The following ZNF518A variants were observed in gnomAD, a reference collection of about 807,000 sequenced individuals.
ZNF518A encodes the protein zinc finger protein 518.
A neutral mutation model predicts 102.7 loss-of-function variants in ZNF518A; 47 were observed. That is an observed-to-expected ratio of 0.46 (90% CI 0.36 to 0.58). ZNF518A has a LOEUF of 0.58. Among genes scored for constraint, ZNF518A ranks in the 20% least tolerant of loss-of-function variants. The pLI, the probability that ZNF518A is intolerant of heterozygous loss-of-function variation, is 0.00. For synonymous variants in ZNF518A, 652 were observed against 594.6 expected, an observed-to-expected ratio of 1.10 and a Z score of -1.40; for missense variants, 1,793 against 1,699.8, an observed-to-expected ratio of 1.05 and a Z score of -0.96.
downstream of ZNF518A, among the ~76,000 whole-genome samples, chr10:96,166,643 C>G (rs184040461): frequency 1.3e-5 from 2 of 152,294 alleles, no homozygotes; most frequent in Admixed American, 1.3e-4. Context: ...CAGCGTGCAC[C>G]TGTAGTCCCA....
Position 96,158,420 on chromosome 10 carries a change from A to T in ZNF518A, c.2098A>T (p.Ile700Phe). ...AAAACCAGATAGCCTATTAGCATCT[A>T]TTAGCCTTTTAAATGATAAAGATGG... Reference protein sequence around the residue: ...SSKPDSLLASISLLNDKDGTL... With the variant: ...SSKPDSLLASFSLLNDKDGTL... The change falls in exon 6 of 6, where the codon ATT becomes TTT. Residue 700 changes from isoleucine to phenylalanine, a missense_variant. Coordinates refer to ENST00000316045, the MANE Select transcript of ZNF518A (RefSeq NM_001330736.2). The T allele has an allele frequency of 1.2e-6, 2 of 1,613,458 alleles. No individual in the cohort carries two copies.
rs937316186 is a variant in ZNF518A, at chr10:96,156,212, A to G, written c.-111A>G. 10 of 1,011,776 alleles carry G rather than the reference A, an allele frequency of 9.9e-6. No homozygotes were observed. The highest frequency in any genetic ancestry group is 5.0e-5 in the African/African-American group (3 of 60,302). The allele number at this position is 1,011,776 out of a possible 1,614,324, so 62.7% of individuals were successfully genotyped here. A position where few individuals can be genotyped will look rare whatever the true frequency, so the allele number is the denominator to read the frequency against. On this transcript the variant is annotated 5_prime_UTR_variant, in exon 6 of 6. Transcript: ENST00000316045. Reference sequence around the variant, plus strand: ...TTAATTTTAGGTGAGTTATTGTGGGAAAAATCCTGTATATTGAAGATGTCT... The same window carrying G: ...TTAATTTTAGGTGAGTTATTGTGGGGAAAATCCTGTATATTGAAGATGTCT...
intron 3 of ZNF518A, among the ~76,000 whole-genome samples, chr10:96,152,034 G>A (rs1554880511): frequency 6.6e-6 from 1 of 152,204 alleles, no homozygotes; most frequent in Non-Finnish European, 1.5e-5. Flanking sequence ...AATCTGGGCT[G>A]GACGTTGTGG....
In ZNF518A at chr10:96,170,148, A is replaced by G. The variant is rs188282673; in HGVS notation, n.35+14101A>G. Among the ~76,000 whole-genome samples, 354 of 152,290 alleles carry G rather than the reference A, an allele frequency of 2.3e-3. 3 individuals are homozygous for G. The highest frequency in any genetic ancestry group is 8.1e-3 in the African/African-American group (336 of 41,558). On this transcript the variant is annotated intron_variant and non_coding_transcript_variant, in intron 1 of 2. Coordinates refer to the ZNF518A transcript ENST00000442635. ...CCTGGGCATGAGTGTGACCTTCTAG[A>G]TTCTCAGGAGTATGTTAAAGCTTTA...
At chr10:96,166,075 G>T (rs1345252652), downstream of ZNF518A, among the ~76,000 whole-genome samples, 1 of 152,176 alleles carries the variant, frequency 6.6e-6, no homozygotes, top group Non-Finnish European at 1.5e-5. Flanking sequence ...ATGTCCAAGG[G>T]CATGAAAATA....
At chr10:96,197,913 CAAA>C (rs587730449) in intron 1 of ZNF518A, among the ~76,000 whole-genome samples, 1 of 128,312 alleles carries the variant, frequency 7.8e-6, no homozygotes. Context: ...GAGACAACAT[CAAA>C]AAAAAAAAGA....
At chr10:96,135,872 G>A (rs1316199183) in intron 3 of ZNF518A, among the ~76,000 whole-genome samples, 2 of 152,202 alleles carry the variant, frequency 1.3e-5, no homozygotes, top group East Asian at 1.9e-4. Context: ...TGATGGGAAG[G>A]AAGTGAGCAG....
At chr10:96,165,186 C>G (rs1554889900), downstream of ZNF518A, among the ~76,000 whole-genome samples, 1 of 152,198 alleles carries the variant, frequency 6.6e-6, no homozygotes. Context: ...TGCAGTGGCA[C>G]AGTCTTGGCT....
chr10:96,196,078 TG>T, intron 1 of ZNF518A, among the ~76,000 whole-genome samples: 1 of 152,350 alleles, frequency 6.6e-6, no homozygotes, highest in East Asian at 1.9e-4. Flanking sequence ...TAGCAGGTGC[TG>T]GGTTTGGAAT....
chr10:96,142,902 G>T (rs1489892358), intron 3 of ZNF518A, among the ~76,000 whole-genome samples: 2 of 151,716 alleles, frequency 1.3e-5, no homozygotes, highest in East Asian at 1.9e-4. Flanking sequence ...TGCCACCCGG[G>T]TTCAAGTGAT....
In ZNF518A at chr10:96,141,942, A is replaced by G. The variant is rs183752723; in HGVS notation, c.-302+8294A>G. 6.6e-5 allele frequency among the ~76,000 whole-genome samples: 10 copies of G among 152,118 alleles called. No homozygotes were observed. In the East Asian group the frequency reaches 1.4e-3, roughly 21 times the overall value. ...ACTTTTGTAGAGATGAGGTCTCACT[A>G]TATTACTCAGGCTGGTCTTGAACTC... On this transcript the variant is annotated intron_variant, in intron 3 of 5. Coordinates refer to ENST00000316045, the MANE Select transcript of ZNF518A (RefSeq NM_001330736.2).
At chr10:96,197,870 C>A (rs1267168677) in intron 1 of ZNF518A, among the ~76,000 whole-genome samples, 2 of 148,428 alleles carry the variant, frequency 1.3e-5, no homozygotes, top group Admixed American at 1.4e-4. Flanking sequence ...GAGCCAAGAT[C>A]GTGCCACTGC....
In ZNF518A at chr10:96,159,873, A is replaced by G; in HGVS notation, c.3551A>G (p.Gln1184Arg). The G allele has an allele frequency of 6.2e-7, 1 of 1,613,606 alleles. No homozygotes were observed. Residue 1184 changes from glutamine (Q) to arginine (R), a missense_variant, in exon 6 of 6, where the codon CAG (glutamine) becomes CGG (arginine). Coordinates refer to ENST00000316045, the MANE Select transcript of ZNF518A (RefSeq NM_001330736.2). ...TCTAATCAGATTATAGGAGGAGAGC[A>G]GAAAGAGCCAGAATCTAGAGATGCC... ...VPSNQIIGGE[Q>R]KEPESRDALP... is the part of the protein sequence containing the mutation.
At chr10:96,164,037 C>T (rs587635354), downstream of ZNF518A, among the ~76,000 whole-genome samples, 1 of 152,130 alleles carries the variant, frequency 6.6e-6, no homozygotes, top group South Asian at 2.1e-4. Flanking sequence ...AGTAGTGCAA[C>T]TTATGAAGGG....
rs1044093839 is a variant in ZNF518A, at chr10:96,151,527, C to T, written c.-301-3799C>T. On this transcript the variant is annotated intron_variant, in intron 3 of 5. Transcript: ENST00000316045. ...TGAGCCTTCTGTCACCCAAAGGGCT[C>T]CAGCTGGTTTTTCACTCAGGCCTCA... The T allele has an allele frequency of 5.3e-5, 8 of 152,202 alleles. No homozygotes were observed. The East Asian group carries it at 1.5e-3, about 29-fold the overall frequency. The allele number at this position is 152,202 out of a possible 1,614,324, so 9.4% of individuals were successfully genotyped here.
downstream of ZNF518A, chr10:96,205,033 G>T (rs1554897115): frequency 3.6e-6 from 1 of 276,558 alleles, no homozygotes; most frequent in African/African-American, 2.2e-5. Flanking sequence ...TTAGTCATAA[G>T]ACGTGGTATA....
rs1431993767 is a variant in ZNF518A, at chr10:96,161,589, A to G, written c.*815A>G. On this transcript the variant is annotated 3_prime_UTR_variant, in exon 6 of 6. Coordinates refer to ENST00000316045, the MANE Select transcript of ZNF518A (RefSeq NM_001330736.2). ...GATCCCTTTGCACAGAACTATGCTT[A>G]TCTCATGTTTGTCCTCCATAAACAA... 2 of 166,752 alleles carry G rather than the reference A, an allele frequency of 1.2e-5. No individual in the cohort carries two copies. Among genetic ancestry groups the G allele is most frequent in the East Asian group, 3.8e-4 (2 of 5,198 alleles). The allele number at this position is 166,752 out of a possible 1,614,324, so 10.3% of individuals were successfully genotyped here.
chr10:96,151,980 C>A (rs2082470752), intron 3 of ZNF518A, among the ~76,000 whole-genome samples: 1 of 152,204 alleles, frequency 6.6e-6, no homozygotes, highest in South Asian at 2.1e-4. Context: ...TGTAATAATA[C>A]ATATATAGAA....
rs1458003641 is a variant in ZNF518A at position 96,161,475 on chromosome 10, C to G, written c.*701C>G. On this transcript the variant is annotated 3_prime_UTR_variant, in exon 6 of 6. Coordinates refer to ENST00000316045, the MANE Select transcript of ZNF518A (RefSeq NM_001330736.2). ...GTCAAATGTTGCAGTAGATGGGCAGCTTCAAGAGAAGAATTTAAACTCTTT... is the reference window on the plus strand; with the variant it reads ...GTCAAATGTTGCAGTAGATGGGCAGGTTCAAGAGAAGAATTTAAACTCTTT... 13 of 166,762 alleles carry G rather than the reference C, an allele frequency of 7.8e-5. No individual in the cohort carries two copies. The highest frequency in any genetic ancestry group is 3.1e-4 in the African/African-American group (13 of 41,424). 10.3% of individuals were successfully genotyped at this position (166,762 alleles called of 1,614,324 possible).
Sources: allele counts gnomAD v4.1 joint callset (sites outside exome capture counted in the v4.1 genomes callset), GRCh38; gene constraint gnomAD v4.1.1; transcripts MANE v1.5; gene names NCBI Gene and HGNC (gene_info 2026-07-23, HGNC 2026-07-21).